The following CSMD1 variants were observed in gnomAD, a reference collection of about 807,000 sequenced individuals.
CSMD1 encodes CUB and sushi domain-containing protein 1.
CSMD1 carries 213 observed loss-of-function variants against 417.5 expected under a neutral mutation model. The observed-to-expected ratio is 0.51, with a 90% CI of 0.46 to 0.57. The LOEUF is 0.57. CSMD1 is among the 20% of genes least tolerant of loss of function. The pLI is 0.00. For synonymous variants in CSMD1, 2,862 were observed against 1,736.8 expected (o/e 1.65, Z -16.11); for missense variants, 6,923 against 4,529.7 (o/e 1.53, Z -15.17).
chr8:4,236,456 A>G (rs1057474588), intron 3 of CSMD1, among the ~76,000 whole-genome samples: 1 of 152,156 alleles, frequency 6.6e-6, no homozygotes, highest in African/African-American at 2.4e-5. Flanking sequence ...GTGACATTTA[A>G]CAACAAACAC....
At chr8:3,531,039 G>A (rs558944736) in intron 10 of CSMD1, among the ~76,000 whole-genome samples, 1 of 142,602 alleles carries the variant, frequency 7.0e-6, no homozygotes, top group African/African-American at 2.6e-5. Flanking sequence ...TTTTGTATTT[G>A]TAGTAGAGAA....
At chr8:4,022,753 C>T (rs1224031395) in intron 4 of CSMD1, among the ~76,000 whole-genome samples, 1 of 152,110 alleles carries the variant, frequency 6.6e-6, no homozygotes, top group Non-Finnish European at 1.5e-5. Context: ...CAACTAGAAA[C>T]TTTGGGAATC....
chr8:3,361,711 ATAT>A (rs1447438727), intron 20 of CSMD1, among the ~76,000 whole-genome samples: 1 of 150,372 alleles, frequency 6.7e-6, no homozygotes, highest in East Asian at 2.0e-4. Context: ...GAATATTTTG[ATAT>A]TATTATGTGC....
chr8:3,764,511 C>T (rs1010072621), intron 5 of CSMD1, among the ~76,000 whole-genome samples: 6 of 152,210 alleles, frequency 3.9e-5, no homozygotes, highest in South Asian at 4.1e-4. Context: ...CCCTGGGTGA[C>T]GGATGTCACA....
chr8:3,889,101 G>C (rs554242645), intron 5 of CSMD1, among the ~76,000 whole-genome samples: 19 of 151,958 alleles, frequency 1.3e-4, no homozygotes, highest in African/African-American at 4.3e-4. Context: ...TTCATTGGTT[G>C]CTGCAAGTTA....
intron 3 of CSMD1, among the ~76,000 whole-genome samples, chr8:4,324,672 G>C (rs1345766452): frequency 6.6e-6 from 1 of 152,220 alleles, no homozygotes; most frequent in Non-Finnish European, 1.5e-5. Flanking sequence ...ATCCAGCTCA[G>C]AGGATATAAG....
At chr8:3,661,289 C>G (rs932527477) in intron 7 of CSMD1, among the ~76,000 whole-genome samples, 1 of 152,290 alleles carries the variant, frequency 6.6e-6, no homozygotes, top group African/African-American at 2.4e-5. Flanking sequence ...TTATACCCTG[C>G]TGAGCGTTCA....
At chr8:3,448,163 G>T (rs937771982) in intron 12 of CSMD1, among the ~76,000 whole-genome samples, 1 of 150,678 alleles carries the variant, frequency 6.6e-6, no homozygotes, top group Non-Finnish European at 1.5e-5. Context: ...GCCTGAATTG[G>T]GGGAGTAGAT....
chr8:4,795,095 C>G (rs1797902760), intron 1 of CSMD1, among the ~76,000 whole-genome samples: 1 of 151,620 alleles, frequency 6.6e-6, no homozygotes, highest in Non-Finnish European at 1.5e-5. Flanking sequence ...AGTGAAGAAT[C>G]AGGTGGAATA....
intron 28 of CSMD1, among the ~76,000 whole-genome samples, chr8:3,221,490 G>A (rs1226909032): frequency 6.6e-6 from 1 of 151,712 alleles, no homozygotes; most frequent in Non-Finnish European, 1.5e-5. Context: ...TATCATTATT[G>A]GTAATTTATG....
chr8:4,927,255 A>G (rs1022228676), intron 1 of CSMD1, among the ~76,000 whole-genome samples: 1 of 151,914 alleles, frequency 6.6e-6, no homozygotes, highest in Non-Finnish European at 1.5e-5. Context: ...ACAGGGTTTC[A>G]CCATCTTGGC....
intron 3 of CSMD1, among the ~76,000 whole-genome samples, chr8:4,162,120 G>A (rs926638735): frequency 6.6e-6 from 1 of 152,144 alleles, no homozygotes; most frequent in Non-Finnish European, 1.5e-5. Context: ...ATGGTTACAT[G>A]ATTCTAAATA....
At chr8:3,021,247 C>G (rs138463322) in intron 51 of CSMD1, among the ~76,000 whole-genome samples, 3 of 152,176 alleles carry the variant, frequency 2.0e-5, no homozygotes, top group Admixed American at 1.3e-4. Context: ...TGTCCTCTAA[C>G]AAGATTTACT....
At chr8:4,094,506 T>C (rs1412248624) in intron 3 of CSMD1, among the ~76,000 whole-genome samples, 2 of 152,042 alleles carry the variant, frequency 1.3e-5, no homozygotes, top group Admixed American at 1.3e-4. Flanking sequence ...CCACGCAGGG[T>C]GGAGGAATCT....
chr8:4,006,534 C>G (rs1434186502), intron 4 of CSMD1, among the ~76,000 whole-genome samples: 1 of 152,134 alleles, frequency 6.6e-6, no homozygotes, highest in Non-Finnish European at 1.5e-5. Context: ...CAGAGTGAGG[C>G]CTTGCCTCAG....
chr8:3,826,370 A>C (rs1341896896), intron 5 of CSMD1, among the ~76,000 whole-genome samples: 8 of 152,308 alleles, frequency 5.3e-5, no homozygotes, highest in African/African-American at 1.9e-4. Context: ...CTCTGATGCA[A>C]ATTCTGGGAG....
intron 10 of CSMD1, among the ~76,000 whole-genome samples, chr8:3,519,645 A>T (rs1797419817): frequency 6.6e-6 from 1 of 152,220 alleles, no homozygotes; most frequent in African/African-American, 2.4e-5. Flanking sequence ...GCACATGCAT[A>T]CGAAAGCTTA....
At chr8:4,373,166 C>T (rs1563105887) in intron 3 of CSMD1, among the ~76,000 whole-genome samples, 1 of 152,186 alleles carries the variant, frequency 6.6e-6, no homozygotes, top group African/African-American at 2.4e-5. Flanking sequence ...ACCCATGATA[C>T]CCCTTGACCG....
At chr8:3,549,666 C>A (rs752831571) in intron 10 of CSMD1, among the ~76,000 whole-genome samples, 1 of 152,172 alleles carries the variant, frequency 6.6e-6, no homozygotes, top group Admixed American at 6.5e-5. Flanking sequence ...TAGGAGAAAT[C>A]TAGCTAGCCC....
Sources: gnomAD v4.1 joint callset for allele counts (sites outside exome capture counted in the v4.1 genomes callset) on GRCh38, gnomAD v4.1.1 for gene constraint, MANE v1.5 for transcripts, NCBI Gene and HGNC (gene_info 2026-07-23, HGNC 2026-07-21) for gene names.